The following GAB4 variants were observed in gnomAD, a reference collection of about 807,000 sequenced individuals.
GAB4 encodes GRB2-associated-binding protein 4.
GAB4 carries 26 observed loss-of-function variants against 51.3 expected under a neutral mutation model. The observed-to-expected ratio is 0.51, with a 90% CI of 0.37 to 0.70. The LOEUF is 0.70. GAB4 is among the 30% of genes least tolerant of loss of function. The pLI is 0.00. For missense variants in GAB4, 759 were observed against 734.6 expected (o/e 1.03, Z -0.38); for synonymous variants, 329 against 291.2 (o/e 1.13, Z -1.32).
At chr22:16,971,803 G>A (rs1376826812) in intron 3 of GAB4, among the ~76,000 whole-genome samples, 1 of 152,226 alleles carries the variant, frequency 6.6e-6, no homozygotes, top group Non-Finnish European at 1.5e-5. Context: ...CAGAAGCTTA[G>A]AAAAATGAAG....
At position 17,007,849 on chromosome 22, in the gene GAB4, T is replaced by C. The variant is rs1253002023; in HGVS notation, c.174+92A>G. ...AGAAGTCGCCTCCACCCGCAGCTCC[T>C]CCCGTGGACCCAGGCCGCCTCCCCC... On this transcript the variant is annotated intron_variant, in intron 1 of 9. Transcript: ENST00000400588. The C allele has an allele frequency of 1.5e-4, 189 of 1,235,818 alleles. 2 individuals are homozygous for C. The South Asian group carries it at 2.9e-3, about 19-fold the overall frequency. The allele number at this position is 1,235,818 out of a possible 1,614,324, so 76.6% of individuals were successfully genotyped here.
In GAB4 at chr22:16,970,051, T is replaced by C; in HGVS notation, c.829A>G (p.Ser277Gly). The change falls in exon 4 of 10, where the codon AGC becomes GGC. Residue 277 changes from serine to glycine, a missense_variant. Physicochemically the swap from Ser to Gly is moderately conservative, Grantham distance 56. Coordinates refer to ENST00000400588, the MANE Select transcript of GAB4 (RefSeq NM_001037814.1). ...IHGFHSLSKPSQHNAEFRGST... is the reference protein window; with the variant it reads ...IHGFHSLSKPGQHNAEFRGST... ...CCTCTGAATTCTGCATTGTGCTGGC[T>C]GGGCTTGGAAAGGCTATGGAAGCCA... is the stretch of plus-strand genomic sequence containing the variant. 6.2e-7 allele frequency: 1 copy of C among 1,614,214 alleles called. No homozygotes were observed. The highest frequency in any genetic ancestry group is 1.3e-5 in the African/African-American group (1 of 75,052).
At chr22:16,998,142 C>A (rs1366014112) in intron 1 of GAB4, among the ~76,000 whole-genome samples, 2 of 152,042 alleles carry the variant, frequency 1.3e-5, no homozygotes, top group Non-Finnish European at 2.9e-5. Flanking sequence ...TTTTTTGGTT[C>A]CATATGAACT....
At chr22:16,963,358 C>T (rs1482437373) in intron 9 of GAB4, among the ~76,000 whole-genome samples, 1 of 152,296 alleles carries the variant, frequency 6.6e-6, no homozygotes, top group South Asian at 2.1e-4. Flanking sequence ...TGAGGTCCCC[C>T]GCATCAATGG....
intron 3 of GAB4, among the ~76,000 whole-genome samples, 159 bp downstream of exon 3, chr22:16,987,801 G>C (rs61137300): frequency 1.3e-5 from 2 of 152,222 alleles, no homozygotes; most frequent in East Asian, 3.9e-4. Context: ...AAATGTGAAG[G>C]CTACATAAAC....
intron 1 of GAB4, among the ~76,000 whole-genome samples, chr22:17,006,379 G>A (rs2061040063): frequency 6.6e-6 from 1 of 152,202 alleles, no homozygotes; most frequent in South Asian, 2.1e-4. Context: ...AAGATGTGGA[G>A]AAATAGGAAT....
chr22:16,963,650 G>C, intron 9 of GAB4, 75 bp downstream of exon 9: 1 of 1,043,024 alleles, frequency 9.6e-7, no homozygotes, highest in Non-Finnish European at 1.4e-6. Context: ...TGCTGCCGGT[G>C]CTGAAGGGCC....
rs115067540 is a variant in GAB4 at position 16,965,733 on chromosome 22, A to G, written c.1288+367T>C. The stretch of plus-strand genomic sequence containing the variant: ...TCTGGTTCCCTGTGGCCAGACCCAC[A>G]GGACTGATCCCCACCCAGTTATCCC... On this transcript the variant is annotated intron_variant, in intron 6 of 9. Coordinates refer to ENST00000400588, the MANE Select transcript of GAB4 (RefSeq NM_001037814.1). 4.4e-3 allele frequency among the ~76,000 whole-genome samples: 667 copies of G among 152,294 alleles called. 9 individuals carry two copies. Among genetic ancestry groups the G allele is most frequent in the African/African-American group, 0.015 (629 of 41,560 alleles).
intron 1 of GAB4, among the ~76,000 whole-genome samples, chr22:17,006,383 T>C (rs373496466): frequency 1.3e-3 from 196 of 152,206 alleles, no homozygotes; most frequent in African/African-American, 4.5e-3. Context: ...TGTGGAGAAA[T>C]AGGAATGTTT....
intron 6 of GAB4, among the ~76,000 whole-genome samples, chr22:16,965,617 T>C (rs2060666010): frequency 6.6e-6 from 1 of 152,222 alleles, no homozygotes; most frequent in Admixed American, 6.5e-5. Context: ...TCCCCATGCC[T>C]GCCCCTGCTT....
rs9605184 is a variant in GAB4, at chr22:16,966,246, C to G, written c.1142G>C (p.Gly381Ala). Residue 381 changes from glycine to alanine, a missense_variant, in exon 6 of 10, where the codon GGT (glycine) becomes GCT (alanine). Physicochemically the swap from Gly to Ala is moderately conservative, Grantham distance 60 (BLOSUM62 0). This residue lies in a region of GAB4 where 588 missense variants were observed against 510.2 expected (regional missense o/e 1.15). Transcript: ENST00000400588. Reference protein sequence around the residue: ...AVKQAGDDSQGVCIPVGSCLV... With the variant: ...AVKQAGDDSQAVCIPVGSCLV... The stretch of plus-strand genomic sequence containing the variant: ...ACATGAGCCCACAGGGATGCAGACA[C>G]CCTGGGAATCATCGCCTGCTTGCTT... The G allele has an allele frequency of 8.4e-5, 136 of 1,613,942 alleles. No homozygotes were observed. The highest frequency in any genetic ancestry group is 2.6e-4 in the South Asian group (24 of 91,086).
At chr22:16,977,178 C>T (rs2060785810) in intron 3 of GAB4, among the ~76,000 whole-genome samples, 1 of 152,100 alleles carries the variant, frequency 6.6e-6, no homozygotes, top group Admixed American at 6.6e-5. Flanking sequence ...ACAATATTAA[C>T]CTTAAATGTA....
rs187419614 is a variant in GAB4, at chr22:16,975,489, A to G, written c.687-5296T>C. ...TTCCTCTCTGGGCAGGACATCTCTG[A>G]AAAAAAGGCTACAGTCCGAGTCAGG... On this transcript the variant is annotated intron_variant, in intron 3 of 9. Coordinates refer to ENST00000400588, the MANE Select transcript of GAB4 (RefSeq NM_001037814.1). Among the ~76,000 whole-genome samples the G allele has an allele frequency of 3.6e-3, 552 of 152,282 alleles. 3 individuals are homozygous for G. Among genetic ancestry groups the G allele is most frequent in the African/African-American group, 0.013 (535 of 41,560 alleles).
chr22:16,993,560 C>G (rs2060929657), intron 1 of GAB4, among the ~76,000 whole-genome samples: 1 of 152,110 alleles, frequency 6.6e-6, no homozygotes, highest in Non-Finnish European at 1.5e-5. Context: ...TTTCTCCATT[C>G]CTCTTATTTA....
chr22:17,000,954 T>G (rs1293865088), intron 1 of GAB4, among the ~76,000 whole-genome samples: 1 of 152,240 alleles, frequency 6.6e-6, no homozygotes, highest in Non-Finnish European at 1.5e-5. Flanking sequence ...TTTAAGAATG[T>G]TGAATATTGG....
At chr22:16,963,045 C>A (rs1182287517) in intron 9 of GAB4, among the ~76,000 whole-genome samples, 169 bp from the exon 10 acceptor site, 3 of 152,192 alleles carry the variant, frequency 2.0e-5, no homozygotes, top group Non-Finnish European at 2.9e-5. Context: ...TCCAGGCTAA[C>A]CTCTCCTCCT....
chr22:16,990,204 A>G (rs2123702898), intron 2 of GAB4, among the ~76,000 whole-genome samples: 1 of 151,944 alleles, frequency 6.6e-6, no homozygotes, highest in African/African-American at 2.4e-5. Flanking sequence ...TCTTTCTAAA[A>G]CCATATTTCT....
chr22:16,981,349 G>T (rs1345949450), intron 3 of GAB4, among the ~76,000 whole-genome samples: 1 of 151,744 alleles, frequency 6.6e-6, no homozygotes, highest in African/African-American at 2.4e-5. Flanking sequence ...CAAAAACTTT[G>T]CTTTTTTGAA....
intron 3 of GAB4, among the ~76,000 whole-genome samples, chr22:16,976,115 C>T (rs1169337771): frequency 6.6e-6 from 1 of 152,212 alleles, no homozygotes; most frequent in African/African-American, 2.4e-5. Flanking sequence ...CACCTCTTCT[C>T]CTCCAGAGGA....
Sources: gnomAD v4.1 joint callset for allele counts (sites outside exome capture counted in the v4.1 genomes callset) on GRCh38, gnomAD v4.1.1 for gene constraint, gnomAD v4.1.1 regional missense constraint, MANE v1.5 for transcripts, NCBI Gene and HGNC (gene_info 2026-07-23, HGNC 2026-07-21) for gene names.